Variants in MTUS2 observed in about 807,000 individuals in gnomAD.
MTUS2 encodes the protein microtubule-associated tumor suppressor candidate 2.
Under a neutral mutation model 114.1 loss-of-function variants are expected in MTUS2, and 40 were observed. That is an observed-to-expected ratio of 0.35 (90% CI 0.27 to 0.46). The LOEUF is 0.46. MTUS2 is among the 20% of genes least tolerant of loss of function. The pLI, the probability that MTUS2 is intolerant of heterozygous loss-of-function variation, is 1.00. For missense variants in MTUS2, 1,679 were observed against 1,705.4 expected (o/e 0.98, Z 0.27); for synonymous variants, 688 against 672.0 (o/e 1.02, Z -0.37).
intron 8 of MTUS2, among the ~76,000 whole-genome samples, chr13:29,418,641 G>A (rs571771610): frequency 6.6e-6 from 1 of 152,132 alleles, no homozygotes; most frequent in Non-Finnish European, 1.5e-5. Context: ...ACCTGGCCCC[G>A]CTTCCCTAGG....
At chr13:29,234,456 A>G (rs1896456267) in intron 5 of MTUS2, among the ~76,000 whole-genome samples, 1 of 152,194 alleles carries the variant, frequency 6.6e-6, no homozygotes, top group Non-Finnish European at 1.5e-5. Context: ...CCATGCACCA[A>G]ACTCTTTAAT....
At chr13:28,998,359 A>G (rs1249479695) in intron 2 of MTUS2, among the ~76,000 whole-genome samples, 1 of 152,096 alleles carries the variant, frequency 6.6e-6, no homozygotes, top group East Asian at 1.9e-4. Flanking sequence ...GAATCTGACA[A>G]TTATGTGCCT....
chr13:29,218,895 T>G (rs895506529), intron 5 of MTUS2, among the ~76,000 whole-genome samples: 1 of 152,124 alleles, frequency 6.6e-6, no homozygotes, highest in Admixed American at 6.5e-5. Context: ...GCCCTAGGAT[T>G]TTCACAAAGG....
chr13:29,018,788 CAAA>C (rs1239812033), intron 2 of MTUS2, among the ~76,000 whole-genome samples: 1 of 80,692 alleles, frequency 1.2e-5, no homozygotes, highest in Non-Finnish European at 2.5e-5. Flanking sequence ...CCGCCCCCTG[CAAA>C]AAAAAAAAAA....
intron 5 of MTUS2, among the ~76,000 whole-genome samples, chr13:29,251,965 T>C (rs1456996487): frequency 6.6e-6 from 1 of 152,234 alleles, no homozygotes; most frequent in East Asian, 1.9e-4. Flanking sequence ...CTGGAATTGC[T>C]GGATCACACA....
intron 2 of MTUS2, among the ~76,000 whole-genome samples, chr13:28,886,328 G>T (rs1382304230): frequency 1.3e-5 from 2 of 152,150 alleles, no homozygotes; most frequent in East Asian, 3.8e-4. Context: ...GGGGAGCAGG[G>T]AGGCAGGTTC....
chr13:28,941,988 C>T (rs1882265964), intron 2 of MTUS2, among the ~76,000 whole-genome samples: 1 of 152,122 alleles, frequency 6.6e-6, no homozygotes, highest in Admixed American at 6.6e-5. Context: ...ACATCAATCT[C>T]ATCAGAAAAT....
At chr13:29,046,081 C>A (rs551734069) in intron 4 of MTUS2, among the ~76,000 whole-genome samples, 1 of 151,838 alleles carries the variant, frequency 6.6e-6, no homozygotes, top group African/African-American at 2.4e-5. Context: ...CACTATTCTA[C>A]TACAAAGGCC....
chr13:29,243,838 T>C (rs1282446916), intron 5 of MTUS2, among the ~76,000 whole-genome samples: 1 of 152,160 alleles, frequency 6.6e-6, no homozygotes, highest in Non-Finnish European at 1.5e-5. Context: ...ATACAATTTG[T>C]ATAGCTCCCT....
chr13:29,261,918 T>G (rs1021354829), intron 5 of MTUS2, among the ~76,000 whole-genome samples: 1 of 152,242 alleles, frequency 6.6e-6, no homozygotes, highest in African/African-American at 2.4e-5. Flanking sequence ...GGTAAAAAGT[T>G]GCCTTTAATT....
At chr13:29,048,904 C>A (rs1887758695) in intron 4 of MTUS2, among the ~76,000 whole-genome samples, 1 of 152,238 alleles carries the variant, frequency 6.6e-6, no homozygotes, top group Non-Finnish European at 1.5e-5. Context: ...GCATGAGCCA[C>A]CATGCTTAGC....
rs200117686 is a variant in MTUS2, at chr13:29,304,284, TAAC to T, written c.2807-20326_2807-20324del. On this transcript the variant is annotated intron_variant, in intron 6 of 15. Coordinates refer to ENST00000612955, the MANE Select transcript of MTUS2 (RefSeq NM_001033602.4). ...ATGATGACAGGATCAAATTTACACA[TAAC>T]AATACCAATCTAAAATGTAAACATG... Among the ~76,000 whole-genome samples the T allele has an allele frequency of 6.7e-3, 1,023 of 152,188 alleles. 28 individuals carry two copies. The highest frequency in any genetic ancestry group is 0.044 in the East Asian group (228 of 5,178).
intron 5 of MTUS2, among the ~76,000 whole-genome samples, chr13:29,163,522 G>A (rs1239590033): frequency 2.6e-5 from 4 of 152,096 alleles, no homozygotes; most frequent in Non-Finnish European, 5.9e-5. Flanking sequence ...CAGCACACCC[G>A]TGTGCATATG....
intron 2 of MTUS2, among the ~76,000 whole-genome samples, chr13:28,947,420 A>G (rs1409353623): frequency 6.6e-6 from 1 of 152,228 alleles, no homozygotes; most frequent in Non-Finnish European, 1.5e-5. Context: ...ATTGAATTTT[A>G]TACTTTTCTT....
intron 12 of MTUS2, among the ~76,000 whole-genome samples, chr13:29,495,393 A>C (rs1260363415): frequency 6.7e-6 from 1 of 149,868 alleles, no homozygotes; most frequent in African/African-American, 2.5e-5. Context: ...AAGTAACTGG[A>C]AAAGAGAACA....
chr13:29,098,320 A>G (rs1235297385), intron 4 of MTUS2, among the ~76,000 whole-genome samples: 1 of 152,234 alleles, frequency 6.6e-6, no homozygotes, highest in Non-Finnish European at 1.5e-5. Flanking sequence ...TATGATATTC[A>G]TGAGCTTAAT....
intron 5 of MTUS2, among the ~76,000 whole-genome samples, chr13:29,115,259 T>C (rs1891042319): frequency 6.6e-6 from 1 of 152,248 alleles, no homozygotes; most frequent in Non-Finnish European, 1.5e-5. Flanking sequence ...TGTATTCTGT[T>C]GAATGTTCTT....
intron 7 of MTUS2, among the ~76,000 whole-genome samples, chr13:29,334,897 TC>T (rs778980988): frequency 1.2e-4 from 18 of 152,212 alleles, no homozygotes; most frequent in Non-Finnish European, 2.5e-4. Flanking sequence ...AATCTCTTAA[TC>T]CTGTCATCTT....
chr13:28,960,553 A>G (rs1883281526), intron 2 of MTUS2, among the ~76,000 whole-genome samples: 1 of 152,230 alleles, frequency 6.6e-6, no homozygotes, highest in Non-Finnish European at 1.5e-5. Flanking sequence ...ATACTATAAC[A>G]TGGATGGATT....
Sources: gnomAD v4.1 joint callset for allele counts (sites outside exome capture counted in the v4.1 genomes callset) on GRCh38, gnomAD v4.1.1 for gene constraint, MANE v1.5 for transcripts, NCBI Gene and HGNC (gene_info 2026-07-23, HGNC 2026-07-21) for gene names.